FKTN: variants seen among roughly 807,000 people sequenced by gnomAD.
FKTN encodes ribitol-5-phosphate transferase FKTN.
A neutral mutation model predicts 58.6 loss-of-function variants in FKTN; 47 were observed. The observed-to-expected ratio is 0.80, with a 90% CI of 0.63 to 1.02. The LOEUF is 1.02. Ranked by LOEUF, FKTN falls within the 50% of genes least tolerant of loss-of-function variation. The probability of loss-of-function intolerance (pLI) is 0.00; values close to 1 mark genes in which losing one functional copy is unlikely to be tolerated. For synonymous variants in FKTN, 178 were observed against 191.9 expected, an observed-to-expected ratio of 0.93 and a Z score of 0.60; for missense variants, 516 against 537.3, an observed-to-expected ratio of 0.96 and a Z score of 0.39.
intron 1 of FKTN, among the ~76,000 whole-genome samples, chr9:105,562,138 C>T (rs777535184): frequency 5.9e-5 from 9 of 152,214 alleles, no homozygotes; most frequent in South Asian, 2.1e-4. Flanking sequence ...TCTTCCTGTG[C>T]GCTGCACAAA....
chr9:105,599,916 G>A (rs1010663997), intron 4 of FKTN, among the ~76,000 whole-genome samples: 2 of 151,538 alleles, frequency 1.3e-5, no homozygotes, highest in Non-Finnish European at 2.9e-5. Flanking sequence ...ATTCACCAGT[G>A]AACTGTCTAA....
intron 5 of FKTN, 55 bp downstream of exon 5, chr9:105,601,403 G>A: frequency 8.1e-7 from 1 of 1,227,222 alleles, no homozygotes; most frequent in African/African-American, 1.5e-5. Context: ...AAATAGTATA[G>A]GTTTAGGCTA....
intron 3 of FKTN, among the ~76,000 whole-genome samples, chr9:105,593,265 A>G (rs1845235040): frequency 1.3e-5 from 2 of 152,158 alleles, no homozygotes; most frequent in African/African-American, 4.8e-5. Flanking sequence ...TCTTTTAAAC[A>G]GTTAGATCTC....
chr9:105,636,596 C>T lies in FKTN; in HGVS notation c.*1332C>T, dbSNP rs1235711136. ...TTTACCCCATCTCTCTCTTATATCA[C>T]TTGAATGATATATTGTAAGTGAGAG... is the stretch of plus-strand genomic sequence containing the variant. On this transcript the variant is annotated 3_prime_UTR_variant, in exon 11 of 11. Coordinates refer to ENST00000357998, the MANE Select transcript of FKTN (RefSeq NM_001079802.2). 8.8e-7 allele frequency: 1 copy of T among 1,131,572 alleles called. No homozygotes were observed. Among genetic ancestry groups the T allele is most frequent in the African/African-American group, 1.6e-5 (1 of 61,474 alleles). 70.1% of individuals were successfully genotyped at this position (1,131,572 alleles called of 1,614,324 possible).
At chr9:105,574,803 T>C in intron 2 of FKTN, 142 bp from the exon 3 acceptor site, 1 of 441,808 alleles carries the variant, frequency 2.3e-6, no homozygotes, top group Non-Finnish European at 4.0e-6. Context: ...GTCTCATATT[T>C]GATTATTTCT....
chr9:105,610,761 C>A (rs1452851852), intron 7 of FKTN, among the ~76,000 whole-genome samples: 1 of 152,022 alleles, frequency 6.6e-6, no homozygotes, highest in Non-Finnish European at 1.5e-5. Context: ...CCTGCCTAGG[C>A]TCTGATACCC....
At position 105,615,295 on chromosome 9, in the gene FKTN, C is replaced by T. The variant is rs2133099009; in HGVS notation, c.798C>T (p.Asn266=). ...RAFFQQYLDD[N]TVEAVAFRKS... is the part of the protein sequence containing the mutation. ...ATCTGTAGCAGTACCTTGATGATAA[C>T]ACTGTGGAAGCTGTGGCCTTTCGGA... The change falls in exon 8 of 11, where the codon AAC becomes AAT. Residue 266 remains asparagine, a synonymous_variant. Transcript: ENST00000357998. The T allele has an allele frequency of 2.5e-6, 4 of 1,613,920 alleles. No individual in the cohort carries two copies. In the East Asian group the frequency reaches 8.9e-5, roughly 36 times the overall value.
At chr9:105,601,689 G>A (rs967889078) in intron 5 of FKTN, among the ~76,000 whole-genome samples, 15 of 152,146 alleles carry the variant, frequency 9.9e-5, no homozygotes, top group African/African-American at 3.6e-4. Context: ...TTCACAACAG[G>A]AAGATGAGAG....
At chr9:105,586,742 G>A (rs1564249976) in intron 3 of FKTN, among the ~76,000 whole-genome samples, 4 of 152,190 alleles carry the variant, frequency 2.6e-5, no homozygotes, top group Admixed American at 6.5e-5. Context: ...TATGTGATAT[G>A]TCTCACTTAG....
chr9:105,609,193 T>C (rs1322129453), intron 7 of FKTN, among the ~76,000 whole-genome samples: 1 of 152,202 alleles, frequency 6.6e-6, no homozygotes, highest in Non-Finnish European at 1.5e-5. Context: ...TTTGAACACT[T>C]GATGGCGCCA....
chr9:105,563,949 C>G, intron 1 of FKTN, among the ~76,000 whole-genome samples: 1 of 152,292 alleles, frequency 6.6e-6, no homozygotes, highest in South Asian at 2.1e-4. Flanking sequence ...CCCTCTGAGA[C>G]GAAACTTCCA....
Position 105,639,723 on chromosome 9 carries a change from A to C in FKTN, c.*4459A>C, listed in dbSNP as rs1834295066. On this transcript the variant is annotated 3_prime_UTR_variant, in exon 11 of 11. Transcript: ENST00000357998. ...AATACAATATATGGTTTGTGAATTC[A>C]GAGACATTACCAGTTTGCCTCCTTC... The C allele has an allele frequency of 1.0e-6, 1 of 965,692 alleles. No individual in the cohort carries two copies. 59.8% of individuals were successfully genotyped at this position (965,692 alleles called of 1,614,324 possible). A position where few individuals can be genotyped will look rare whatever the true frequency, so the allele number is the denominator to read the frequency against.
chr9:105,632,766 A>AT lies in FKTN; in HGVS notation c.1173-2278dup, dbSNP rs542889077. 2.0e-3 allele frequency among the ~76,000 whole-genome samples: 297 copies of AT among 152,280 alleles called. 1 individual carries two copies. The highest frequency in any genetic ancestry group is 3.4e-3 in the Middle Eastern group (1 of 294). On this transcript the variant is annotated intron_variant, in intron 10 of 10. Coordinates refer to ENST00000357998, the MANE Select transcript of FKTN (RefSeq NM_001079802.2). ...TATGAAATAGAAAATGGATGGAAGG[A>AT]TTTTTTTGTGGTAATAATATCTCTT...
chr9:105,558,991 A>G (rs1050643729), intron 1 of FKTN, among the ~76,000 whole-genome samples: 1 of 152,226 alleles, frequency 6.6e-6, no homozygotes, highest in South Asian at 2.1e-4. Flanking sequence ...AGTGGAAAGG[A>G]AGTGCAGGGT....
At chr9:105,563,602 G>C (rs966693368) in intron 1 of FKTN, among the ~76,000 whole-genome samples, 19 of 151,992 alleles carry the variant, frequency 1.3e-4, no homozygotes, top group South Asian at 1.0e-3. Flanking sequence ...CGAGGCTGGG[G>C]GGGGGGGCAC....
rs1000244431 is a variant in FKTN at position 105,636,303 on chromosome 9, A to G, written c.*1039A>G. 1.0e-6 allele frequency: 1 copy of G among 967,046 alleles called. No individual in the cohort carries two copies. The allele number at this position is 967,046 out of a possible 1,614,324, so 59.9% of individuals were successfully genotyped here. On this transcript the variant is annotated 3_prime_UTR_variant, in exon 11 of 11. Coordinates refer to ENST00000357998, the MANE Select transcript of FKTN (RefSeq NM_001079802.2). ...CGTATCTCTAATTTATGGTCTATATACCAATTTAAATGGCATGTAAACCTG... is the reference window on the plus strand; with the variant it reads ...CGTATCTCTAATTTATGGTCTATATGCCAATTTAAATGGCATGTAAACCTG...
Position 105,635,974 on chromosome 9 carries a change from T to C in FKTN, c.*710T>C, listed in dbSNP as rs1397749498. The C allele has an allele frequency of 4.7e-5, 46 of 985,704 alleles. No individual in the cohort carries two copies. The highest frequency in any genetic ancestry group is 4.9e-5 in the Non-Finnish European group (41 of 830,206). 61.1% of individuals were successfully genotyped at this position (985,704 alleles called of 1,614,324 possible). On this transcript the variant is annotated 3_prime_UTR_variant, in exon 11 of 11. Coordinates refer to ENST00000357998, the MANE Select transcript of FKTN (RefSeq NM_001079802.2). Reference sequence around the variant, plus strand: ...TTTATGCTTGTTTAATGCTTAAATTTCCATCCATTGTGAGAATATTTTCAC... The same window carrying C: ...TTTATGCTTGTTTAATGCTTAAATTCCCATCCATTGTGAGAATATTTTCAC...
intron 3 of FKTN, among the ~76,000 whole-genome samples, chr9:105,594,660 C>T (rs902889337): frequency 3.3e-5 from 5 of 152,168 alleles, no homozygotes; most frequent in African/African-American, 1.2e-4. Context: ...GTAGGAGTAT[C>T]ACTTGAGTCT....
intron 7 of FKTN, among the ~76,000 whole-genome samples, chr9:105,609,755 C>T (rs1249831894): frequency 1.3e-5 from 2 of 151,974 alleles, no homozygotes; most frequent in Admixed American, 6.5e-5. Context: ...GTGCTGTGTT[C>T]TCATTACATC....
Sources: gnomAD v4.1 joint callset for allele counts (sites outside exome capture counted in the v4.1 genomes callset) on GRCh38, gnomAD v4.1.1 for gene constraint, MANE v1.5 for transcripts, NCBI Gene and HGNC (gene_info 2026-07-23, HGNC 2026-07-21) for gene names.